The following NKAIN2 variants were observed in gnomAD, a reference collection of about 807,000 sequenced individuals.
The protein encoded by NKAIN2 is sodium/potassium transporting ATPase interacting 2, also known as sodium/potassium-transporting ATPase subunit beta-1-interacting protein 2.
NKAIN2 carries 14 observed loss-of-function variants against 32.6 expected under a neutral mutation model. The ratio of observed to expected loss-of-function variants is 0.43; its 90% CI spans 0.28 to 0.67. NKAIN2 has a LOEUF of 0.67. Among genes scored for constraint, NKAIN2 ranks in the 30% least tolerant of loss-of-function variants. NKAIN2 has a pLI of 0.17. For synonymous variants in NKAIN2, 80 were observed against 87.2 expected, an observed-to-expected ratio of 0.92 and a Z score of 0.46; for missense variants, 198 against 258.3, an observed-to-expected ratio of 0.77 and a Z score of 1.60.
Position 124,625,755 on chromosome 6 carries a change from C to G in NKAIN2, c.274-32431C>G, listed in dbSNP as rs1019792301. 9.2e-5 allele frequency among the ~76,000 whole-genome samples: 14 copies of G among 151,822 alleles called. No homozygotes were observed. The East Asian group carries it at 2.1e-3, about 23-fold the overall frequency. On this transcript the variant is annotated intron_variant, in intron 3 of 6. Coordinates refer to ENST00000368417, the MANE Select transcript of NKAIN2 (RefSeq NM_001040214.3). The stretch of plus-strand genomic sequence containing the variant: ...TTTTTGGTCTTTTACAGAAAATCTT[C>G]AAAGTGCTATGTACATTTTAAAGAG...
chr6:123,891,167 T>C (rs1214564052), intron 1 of NKAIN2, among the ~76,000 whole-genome samples: 2 of 152,068 alleles, frequency 1.3e-5, no homozygotes, highest in African/African-American at 4.8e-5. Context: ...GAAAATAGAA[T>C]GGAGGTTACC....
chr6:124,627,011 A>G (rs563916390), intron 3 of NKAIN2, among the ~76,000 whole-genome samples: 4 of 152,276 alleles, frequency 2.6e-5, no homozygotes, highest in African/African-American at 9.6e-5. Context: ...GGCTCACACC[A>G]GTAATCCTGA....
intron 3 of NKAIN2, among the ~76,000 whole-genome samples, chr6:124,397,521 C>T (rs895658925): frequency 1.4e-5 from 2 of 147,370 alleles, no homozygotes; most frequent in African/African-American, 2.6e-5. Context: ...TACTGTGTCA[C>T]AGAGAGTTTT....
At position 124,575,373 on chromosome 6, in the gene NKAIN2, T is replaced by C. The variant is rs547128646; in HGVS notation, c.274-82813T>C. ...TAATCCCAGCAGACTGTCTTCTCTT[T>C]TATAATGACATTTATAAATTGCTGC... On this transcript the variant is annotated intron_variant, in intron 3 of 6. Transcript: ENST00000368417. Among the ~76,000 whole-genome samples, 93 of 152,366 alleles carry C rather than the reference T, an allele frequency of 6.1e-4. 3 individuals are homozygous for C. In the South Asian group the frequency reaches 0.018, roughly 30 times the overall value.
chr6:124,050,512 C>T (rs1018091893), intron 1 of NKAIN2, among the ~76,000 whole-genome samples: 4 of 151,990 alleles, frequency 2.6e-5, no homozygotes, highest in Non-Finnish European at 4.4e-5. Context: ...AAGCTCCCTT[C>T]AGCCTGGCTT....
intron 4 of NKAIN2, among the ~76,000 whole-genome samples, chr6:124,670,645 C>CTGCGTGTGTG (rs1773052893): frequency 8.1e-6 from 1 of 123,798 alleles, no homozygotes; most frequent in Admixed American, 8.9e-5. Flanking sequence ...TCTTTGCTTT[C>CTGCGTGTGTG]TGTGTGTGTG....
chr6:124,095,636 G>C (rs940185533), intron 1 of NKAIN2, among the ~76,000 whole-genome samples: 2 of 152,032 alleles, frequency 1.3e-5, no homozygotes, highest in Non-Finnish European at 2.9e-5. Flanking sequence ...ACCAGGTTTA[G>C]AATTTTCCTA....
chr6:124,517,975 TAATGGAGA>T (rs1778977718), intron 3 of NKAIN2, among the ~76,000 whole-genome samples: 2 of 152,252 alleles, frequency 1.3e-5, no homozygotes, highest in South Asian at 4.1e-4. Context: ...TCAAGTATTT[TAATGGAGA>T]AATATTGAAA....
intron 3 of NKAIN2, among the ~76,000 whole-genome samples, chr6:124,617,702 G>T (rs1334130957): frequency 1.3e-5 from 2 of 152,284 alleles, no homozygotes; most frequent in Non-Finnish European, 2.9e-5. Context: ...TAAAAATCGT[G>T]ACTGGGATTA....
At chr6:123,849,973 T>TG (rs1775258820) in intron 1 of NKAIN2, among the ~76,000 whole-genome samples, 1 of 145,462 alleles carries the variant, frequency 6.9e-6, no homozygotes. Context: ...TTTGTTTGTT[T>TG]TTTTTTTAAC....
At chr6:124,809,761 T>C (rs1454627392) in intron 5 of NKAIN2, among the ~76,000 whole-genome samples, 1 of 151,986 alleles carries the variant, frequency 6.6e-6, no homozygotes, top group African/African-American at 2.4e-5. Context: ...ATCCAGAATC[T>C]ACAATAAACT....
intron 2 of NKAIN2, among the ~76,000 whole-genome samples, chr6:124,328,462 T>C (rs1298030138): frequency 6.6e-6 from 1 of 152,192 alleles, no homozygotes; most frequent in African/African-American, 2.4e-5. Context: ...CAGGGGTCTT[T>C]CTCTTTGCTA....
chr6:123,941,704 A>T (rs887560871), intron 1 of NKAIN2, among the ~76,000 whole-genome samples: 3 of 151,994 alleles, frequency 2.0e-5, no homozygotes, highest in Admixed American at 2.0e-4. Context: ...AGCTTCCAGG[A>T]ATAGCATTTC....
At chr6:124,219,340 C>T (rs1018721138) in intron 1 of NKAIN2, among the ~76,000 whole-genome samples, 8 of 149,700 alleles carry the variant, frequency 5.3e-5, no homozygotes, top group Non-Finnish European at 1.0e-4. Flanking sequence ...TGCAGTGGTG[C>T]GATCTCGGCT....
chr6:123,994,716 C>T (rs544530536), intron 1 of NKAIN2, among the ~76,000 whole-genome samples: 1 of 152,232 alleles, frequency 6.6e-6, no homozygotes, highest in Admixed American at 6.5e-5. Flanking sequence ...TTTTTTAATT[C>T]ATTAAAGTTT....
intron 1 of NKAIN2, among the ~76,000 whole-genome samples, chr6:124,029,393 A>AT (rs1310890088): frequency 1.3e-5 from 2 of 150,776 alleles, no homozygotes; most frequent in African/African-American, 4.9e-5. Context: ...CGTTCATTTT[A>AT]TTTAAAAAAA....
At chr6:124,348,462 C>T (rs1175394701) in intron 2 of NKAIN2, among the ~76,000 whole-genome samples, 1 of 152,220 alleles carries the variant, frequency 6.6e-6, no homozygotes, top group African/African-American at 2.4e-5. Context: ...GCAGGCAGGC[C>T]TCCTTGAGCT....
chr6:124,537,400 T>G (rs1176335749), intron 3 of NKAIN2, among the ~76,000 whole-genome samples: 1 of 152,248 alleles, frequency 6.6e-6, no homozygotes, highest in African/African-American at 2.4e-5. Flanking sequence ...TGGTTGTTAG[T>G]GTCCCCAGTT....
intron 3 of NKAIN2, among the ~76,000 whole-genome samples, chr6:124,587,684 C>G (rs1484172806): frequency 6.6e-6 from 1 of 152,212 alleles, no homozygotes; most frequent in Non-Finnish European, 1.5e-5. Context: ...CTGAACAATG[C>G]TCTCTGCAGG....
Sources: gnomAD v4.1 joint callset for allele counts (sites outside exome capture counted in the v4.1 genomes callset) on GRCh38, gnomAD v4.1.1 for gene constraint, MANE v1.5 for transcripts, NCBI Gene and HGNC (gene_info 2026-07-23, HGNC 2026-07-21) for gene names.